Variants in NAA35 observed in about 807,000 individuals in gnomAD.
NAA35 encodes the protein N-alpha-acetyltransferase 35, NatC auxiliary subunit.
NAA35 carries 18 observed loss-of-function variants against 101.7 expected under a neutral mutation model. The observed-to-expected ratio is 0.18, with a 90% CI of 0.12 to 0.26. The LOEUF is 0.26. NAA35 is among the 10% of genes least tolerant of loss of function. The pLI, the probability that NAA35 is intolerant of heterozygous loss-of-function variation, is 1.00. For missense variants in NAA35, 601 were observed against 886.8 expected (o/e 0.68, Z 4.09); for synonymous variants, 267 against 273.1 (o/e 0.98, Z 0.22).
chr9:86,018,937 T>C, intron 21 of NAA35, 116 bp downstream of exon 21: 1 of 1,318,442 alleles, frequency 7.6e-7, no homozygotes, highest in South Asian at 1.6e-5. Flanking sequence ...GAATAGAACT[T>C]GGCGTGTTTC....
intron 6 of NAA35, among the ~76,000 whole-genome samples, chr9:85,970,900 C>T (rs1254575993): frequency 6.6e-6 from 1 of 152,158 alleles, no homozygotes; most frequent in Non-Finnish European, 1.5e-5. Flanking sequence ...GCAACTTAAT[C>T]TTGAAGGTTT....
At chr9:85,986,359 C>CT (rs1193315181) in intron 11 of NAA35, 19 of 466,004 alleles carry the variant, frequency 4.1e-5, no homozygotes, top group African/African-American at 3.4e-4. Flanking sequence ...AAATTATGAT[C>CT]TAACAGTGTT....
At chr9:86,020,271 T>A (rs1323636208) in intron 21 of NAA35, among the ~76,000 whole-genome samples, 3 of 152,128 alleles carry the variant, frequency 2.0e-5, no homozygotes, top group Non-Finnish European at 4.4e-5. Flanking sequence ...AGTCTAAAAA[T>A]TTGAGGAGCT....
rs1006296051 is a variant in NAA35, at chr9:86,024,940, GA to G, written c.*2982del. ...GTAAGGGACTGAGATAGGTCCCAAG[GA>G]ATAGACTTGGGAGGGCCAGGGAATG... On this transcript the variant is annotated 3_prime_UTR_variant, in exon 23 of 23. Transcript: ENST00000361671. 4.6e-5 allele frequency among the ~76,000 whole-genome samples: 7 copies of G among 152,250 alleles called. No individual in the cohort carries two copies. Among genetic ancestry groups the G allele is most frequent in the African/African-American group, 1.7e-4 (7 of 41,554 alleles).
At chr9:85,941,830 T>G in intron 1 of NAA35, 1 of 1,037,620 alleles carries the variant, frequency 9.6e-7, no homozygotes, top group Middle Eastern at 4.7e-4. Flanking sequence ...TTTGTGGCTA[T>G]TATTGAAAGT....
intron 1 of NAA35, 135 bp from the exon 2 acceptor site, chr9:85,942,020 C>T: frequency 7.3e-7 from 1 of 1,377,678 alleles, no homozygotes. Context: ...GCAGTACTGT[C>T]CTTAGACTCA....
rs1831818508 is a variant in NAA35, at chr9:86,009,778, T to C, written c.1224-87T>C. Reference sequence around the variant, plus strand: ...GTTCCATTTTCTCTTTTATTCACCTTCTCTGTCATTTGGTAGCATCTGCAG... The same window carrying C: ...GTTCCATTTTCTCTTTTATTCACCTCCTCTGTCATTTGGTAGCATCTGCAG... On this transcript the variant is annotated intron_variant, in intron 14 of 22. Coordinates refer to ENST00000361671, the MANE Select transcript of NAA35 (RefSeq NM_024635.4). 9.8e-6 allele frequency: 9 copies of C among 914,760 alleles called. No individual in the cohort carries two copies. In the South Asian group the frequency reaches 1.4e-4, roughly 14 times the overall value. The allele number at this position is 914,760 out of a possible 1,614,324, so 56.7% of individuals were successfully genotyped here. A position where few individuals can be genotyped will look rare whatever the true frequency, so the allele number is the denominator to read the frequency against.
chr9:85,990,300 C>T (rs975399132), intron 11 of NAA35, among the ~76,000 whole-genome samples: 1 of 152,232 alleles, frequency 6.6e-6, no homozygotes, highest in African/African-American at 2.4e-5. Context: ...GCCCCCTTTA[C>T]TCAGACACCT....
chr9:86,006,430 T>TA (rs1407165613), intron 13 of NAA35, among the ~76,000 whole-genome samples: 3 of 152,150 alleles, frequency 2.0e-5, no homozygotes, highest in Non-Finnish European at 1.5e-5. Flanking sequence ...TGGATAAACA[T>TA]ACTGTGGTAC....
At position 86,009,579 on chromosome 9, in the gene NAA35, AG is replaced by A. The variant is rs148024399; in HGVS notation, c.1224-285del. Among the ~76,000 whole-genome samples, 1,073 of 152,328 alleles carry A rather than the reference AG, an allele frequency of 7.0e-3. 15 individuals carry two copies. Among genetic ancestry groups the A allele is most frequent in the African/African-American group, 0.024 (1,005 of 41,572 alleles). ...CACTGAAGTAGGGTCATGAAAAAGTAGAGCTTTAGACTTTTCCTTTTCTCTT... is the reference window on the plus strand; with the variant it reads ...CACTGAAGTAGGGTCATGAAAAAGTAAGCTTTAGACTTTTCCTTTTCTCTT... On this transcript the variant is annotated intron_variant, in intron 14 of 22. Transcript: ENST00000361671.
At chr9:85,958,211 G>A (rs1829359297) in intron 3 of NAA35, among the ~76,000 whole-genome samples, 1 of 152,150 alleles carries the variant, frequency 6.6e-6, no homozygotes, top group African/African-American at 2.4e-5. Context: ...AAAGTGCTGG[G>A]ATTACAGGTG....
At chr9:85,992,129 G>C (rs1830942592) in intron 11 of NAA35, among the ~76,000 whole-genome samples, 1 of 150,512 alleles carries the variant, frequency 6.6e-6, no homozygotes, top group Non-Finnish European at 1.5e-5. Flanking sequence ...AGCCAAGATT[G>C]TGCCACTGCA....
intron 2 of NAA35, among the ~76,000 whole-genome samples, chr9:85,943,607 G>C (rs1193688399): frequency 3.3e-5 from 5 of 152,166 alleles, no homozygotes; most frequent in Non-Finnish European, 7.4e-5. Context: ...ACTGGGAGTT[G>C]GGTGACTGCC....
chr9:85,993,084 A>T (rs879896951), intron 11 of NAA35, among the ~76,000 whole-genome samples: 2 of 152,250 alleles, frequency 1.3e-5, no homozygotes, highest in Non-Finnish European at 2.9e-5. Flanking sequence ...AACATAATGG[A>T]TAAATCTTGG....
intron 21 of NAA35, 82 bp from the exon 22 acceptor site, chr9:86,020,807 G>A: frequency 9.6e-7 from 1 of 1,042,212 alleles, no homozygotes; most frequent in South Asian, 1.4e-5. Context: ...TCCAGCCTGG[G>A]TTGACAGCAG....
intron 1 of NAA35, chr9:85,941,911 G>A (rs1167176228): frequency 8.2e-7 from 1 of 1,216,924 alleles, no homozygotes; most frequent in African/African-American, 1.6e-5. Context: ...TAAACAGTAG[G>A]AAGGCAAAAT....
intron 11 of NAA35, 85 bp downstream of exon 11, chr9:85,978,466 AAGTC>A: frequency 1.1e-6 from 1 of 885,786 alleles, no homozygotes; most frequent in Non-Finnish European, 1.9e-6. Flanking sequence ...AAGTTTTTTC[AAGTC>A]AGTCTTGTAC....
At chr9:85,979,367 A>G (rs1415616668) in intron 11 of NAA35, among the ~76,000 whole-genome samples, 2 of 152,238 alleles carry the variant, frequency 1.3e-5, no homozygotes, top group Admixed American at 1.3e-4. Context: ...AGGAGGAAGT[A>G]ACTTGTGGAA....
intron 12 of NAA35, among the ~76,000 whole-genome samples, chr9:85,998,108 G>C (rs1378496283): frequency 6.6e-6 from 1 of 152,036 alleles, no homozygotes; most frequent in Non-Finnish European, 1.5e-5. Flanking sequence ...TAGAAACGGG[G>C]TTTCATCGTG....
Sources: allele counts gnomAD v4.1 joint callset (sites outside exome capture counted in the v4.1 genomes callset), GRCh38; gene constraint gnomAD v4.1.1; transcripts MANE v1.5; gene names NCBI Gene and HGNC (gene_info 2026-07-23, HGNC 2026-07-21).